The following SAMD5 variants were observed in gnomAD, a reference collection of about 807,000 sequenced individuals.
The protein encoded by SAMD5 is sterile alpha motif domain-containing protein 5.
In SAMD5, 13 loss-of-function variants were observed where a neutral mutation model predicts 11.3. The ratio of observed to expected loss-of-function variants is 1.15; its 90% CI spans 0.75 to 1.83. SAMD5 has a LOEUF of 1.83. SAMD5 is among the 40% of genes most tolerant of loss of function. The probability of loss-of-function intolerance (pLI) is 0.00; values close to 1 mark genes in which losing one functional copy is unlikely to be tolerated. For missense variants in SAMD5, 255 were observed against 239.1 expected (o/e 1.07, Z -0.44); for synonymous variants, 129 against 111.3 (o/e 1.16, Z -1.00).
chr6:147,760,566 G>A, the SAMD5 span, among the ~76,000 whole-genome samples: 1 of 151,868 alleles, frequency 6.6e-6, no homozygotes, highest in Admixed American at 6.6e-5. Flanking sequence ...TCCTTTTTGA[G>A]GCATCTCAAA....
the SAMD5 span, among the ~76,000 whole-genome samples, chr6:147,854,778 A>C: frequency 6.6e-6 from 1 of 152,180 alleles, no homozygotes; most frequent in Non-Finnish European, 1.5e-5. Flanking sequence ...CATAACAAAG[A>C]TAGCATTTAA....
the SAMD5 span, among the ~76,000 whole-genome samples, chr6:147,777,045 C>A: frequency 6.6e-6 from 1 of 152,174 alleles, no homozygotes; most frequent in African/African-American, 2.4e-5. Flanking sequence ...AGCACCCTGT[C>A]CCCTATTTTC....
intron 1 of SAMD5, among the ~76,000 whole-genome samples, chr6:147,620,769 G>C (rs993834774): frequency 1.3e-5 from 2 of 152,202 alleles, no homozygotes; most frequent in Non-Finnish European, 2.9e-5. Flanking sequence ...GCTGTACAAA[G>C]AGCTTCATGT....
chr6:147,539,609 G>A (rs1788567175), intron 1 of SAMD5, among the ~76,000 whole-genome samples: 1 of 151,500 alleles, frequency 6.6e-6, no homozygotes, highest in Admixed American at 6.6e-5. Context: ...TTCCCAAAAT[G>A]GGGCCTGCGG....
chr6:147,716,236 T>A (rs1321019228), intron 1 of SAMD5, among the ~76,000 whole-genome samples: 2 of 152,196 alleles, frequency 1.3e-5, no homozygotes, highest in Non-Finnish European at 2.9e-5. Context: ...GGGGCTGAAG[T>A]GGCAAGGGAC....
the SAMD5 span, among the ~76,000 whole-genome samples, chr6:147,789,449 T>A: frequency 6.6e-6 from 1 of 152,098 alleles, no homozygotes; most frequent in Admixed American, 6.6e-5. Flanking sequence ...TTGAGAGTTA[T>A]TTTTTAGGAG....
intron 1 of SAMD5, among the ~76,000 whole-genome samples, chr6:147,535,988 T>C (rs1168233218): frequency 7.0e-6 from 1 of 141,846 alleles, no homozygotes; most frequent in Non-Finnish European, 1.5e-5. Context: ...AATAACCAAG[T>C]TTTTTTTTTT....
chr6:147,849,461 G>A, the SAMD5 span, among the ~76,000 whole-genome samples: 6 of 151,900 alleles, frequency 3.9e-5, no homozygotes, highest in African/African-American at 1.4e-4. Flanking sequence ...TCCTAAGGAG[G>A]GCTCATATAC....
intron 1 of SAMD5, among the ~76,000 whole-genome samples, chr6:147,556,935 A>G (rs1251954010): frequency 9.2e-5 from 14 of 152,244 alleles, no homozygotes; most frequent in Non-Finnish European, 1.5e-5. Flanking sequence ...TCAAGTAAAT[A>G]ATAAATAAAC....
chr6:147,745,559 C>T, the SAMD5 span, among the ~76,000 whole-genome samples: 1 of 152,160 alleles, frequency 6.6e-6, no homozygotes, highest in Non-Finnish European at 1.5e-5. Context: ...ATGTATGCAT[C>T]AGACAAATCT....
the SAMD5 span, among the ~76,000 whole-genome samples, chr6:147,941,073 T>G: frequency 6.6e-6 from 1 of 152,234 alleles, no homozygotes; most frequent in Admixed American, 6.5e-5. Flanking sequence ...GTTTACTGAT[T>G]GAAACATCTT....
chr6:147,733,370 C>A (rs1052710651), intron 1 of SAMD5, among the ~76,000 whole-genome samples: 10 of 152,070 alleles, frequency 6.6e-5, no homozygotes, highest in African/African-American at 2.4e-4. Context: ...GTTCTTTTAC[C>A]TTTTTCTTTC....
At chr6:147,860,748 G>C in the SAMD5 span, among the ~76,000 whole-genome samples, 2 of 152,168 alleles carry the variant, frequency 1.3e-5, no homozygotes, top group Non-Finnish European at 2.9e-5. Flanking sequence ...TGACAAGATA[G>C]CTTTCTTCCA....
chr6:147,731,027 G>A (rs754512044), intron 1 of SAMD5, among the ~76,000 whole-genome samples: 10 of 152,154 alleles, frequency 6.6e-5, no homozygotes, highest in South Asian at 2.1e-4. Context: ...AGTAGCAGGC[G>A]TGGCTCTTCT....
At chr6:147,619,126 A>G (rs952208887) in intron 1 of SAMD5, among the ~76,000 whole-genome samples, 1 of 152,130 alleles carries the variant, frequency 6.6e-6, no homozygotes, top group Non-Finnish European at 1.5e-5. Flanking sequence ...TGTCTTGCTC[A>G]TCTCCCTCAC....
At chr6:147,522,607 T>C (rs1046931632) in intron 1 of SAMD5, among the ~76,000 whole-genome samples, 1 of 152,242 alleles carries the variant, frequency 6.6e-6, no homozygotes, top group South Asian at 2.1e-4. Context: ...GAGGAATTCA[T>C]AATAATCTTA....
intron 1 of SAMD5, among the ~76,000 whole-genome samples, chr6:147,666,087 C>G (rs1006321548): frequency 1.3e-5 from 2 of 152,022 alleles, no homozygotes; most frequent in African/African-American, 4.8e-5. Context: ...TACAGGCGCC[C>G]GCCAACATGC....
chr6:147,925,867 T>G, the SAMD5 span, among the ~76,000 whole-genome samples: 3 of 152,132 alleles, frequency 2.0e-5, no homozygotes, highest in Non-Finnish European at 4.4e-5. Flanking sequence ...CCAGTGTTTG[T>G]TGTTCCCTTC....
At chr6:147,922,884 G>A in the SAMD5 span, among the ~76,000 whole-genome samples, 1 of 152,120 alleles carries the variant, frequency 6.6e-6, no homozygotes, top group African/African-American at 2.4e-5. Flanking sequence ...GCCAGTTCCA[G>A]CATCAAGGGC....
Sources: gnomAD v4.1 joint callset for allele counts (sites outside exome capture counted in the v4.1 genomes callset) on GRCh38, gnomAD v4.1.1 for gene constraint, MANE v1.5 for transcripts, NCBI Gene and HGNC (gene_info 2026-07-23, HGNC 2026-07-21) for gene names.